PPFIBP1: variants seen among roughly 807,000 people sequenced by gnomAD.
PPFIBP1 encodes the protein liprin-beta-1.
Under a neutral mutation model 137.8 loss-of-function variants are expected in PPFIBP1, and 112 were observed. The ratio of observed to expected loss-of-function variants is 0.81; its 90% CI spans 0.70 to 0.95. The LOEUF is 0.95. PPFIBP1 is among the 40% of genes least tolerant of loss of function. The pLI is 0.00. For missense variants in PPFIBP1, 1,083 were observed against 1,196.6 expected (o/e 0.91, Z 1.40); for synonymous variants, 378 against 417.3 (o/e 0.91, Z 1.15).
intron 6 of PPFIBP1, chr12:27,648,063 G>A (rs1176489349): frequency 1.9e-6 from 1 of 521,018 alleles, no homozygotes; most frequent in African/African-American, 2.0e-5. Context: ...CAATAGGATT[G>A]TGGCTTATTT....
At chr12:27,623,349 A>G (rs1420764980) in intron 2 of PPFIBP1, among the ~76,000 whole-genome samples, 1 of 152,180 alleles carries the variant, frequency 6.6e-6, no homozygotes, top group East Asian at 1.9e-4. Context: ...TCAGTTTTTA[A>G]GATTGTGGAT....
chr12:27,670,814 A>ATAATAATAATAATAG (rs1488285441), intron 13 of PPFIBP1, among the ~76,000 whole-genome samples: 2 of 149,390 alleles, frequency 1.3e-5, no homozygotes, highest in Non-Finnish European at 3.0e-5. Flanking sequence ...AATAATAATA[A>ATAATAATAATAATAG]TAGAGTGTTG....
chr12:27,617,154 A>T (rs1201049778), intron 2 of PPFIBP1, among the ~76,000 whole-genome samples: 1 of 152,230 alleles, frequency 6.6e-6, no homozygotes, highest in Non-Finnish European at 1.5e-5. Flanking sequence ...AAGACATCCA[A>T]TAGAGGTGGC....
intron 1 of PPFIBP1, among the ~76,000 whole-genome samples, chr12:27,571,739 A>G (rs1360164754): frequency 6.6e-6 from 1 of 152,166 alleles, no homozygotes. Flanking sequence ...CAATCACTAT[A>G]CAAATTTCAC....
At position 27,538,276 on chromosome 12, in the gene PPFIBP1, G is replaced by A. The variant is rs552572776; in HGVS notation, c.-124+13911G>A. The A allele has an allele frequency of 4.6e-5, 7 of 152,294 alleles. No homozygotes were observed. In the East Asian group the frequency reaches 1.2e-3, roughly 25 times the overall value. The allele number at this position is 152,294 out of a possible 1,614,324, so 9.4% of individuals were successfully genotyped here. ...TGACAGTCTCAGTCAGAACTCACTC[G>A]TGCAGGAACTTTGCAGGAAGCAGGT... On this transcript the variant is annotated intron_variant, in intron 1 of 29. Transcript: ENST00000228425.
chr12:27,625,990 A>T (rs1410483612), intron 2 of PPFIBP1, among the ~76,000 whole-genome samples: 1 of 152,098 alleles, frequency 6.6e-6, no homozygotes, highest in Non-Finnish European at 1.5e-5. Context: ...CATTTTTTAA[A>T]AAAAGTATTG....
Position 27,671,449 on chromosome 12 carries a change from C to T in PPFIBP1, c.1165C>T (p.Gln389Ter). ...ATTACAGTTCCATACTACCATCTTG[C>T]AAGTTTCCATCCCTTCATTATTGCC... ...VPEEFHTTILQVSIPSLLPAT... is the reference protein window; with the variant it reads ...VPEEFHTTIL The change falls in exon 14 of 30, where the codon CAA (glutamine) becomes TAA (stop). Residue 389 changes from glutamine to a stop codon, truncating the protein, a stop_gained. Coordinates refer to ENST00000228425, the MANE Select transcript of PPFIBP1 (RefSeq NM_003622.4). LOFTEE classifies it high-confidence loss of function. 1 of 1,586,966 alleles carries T rather than the reference C, an allele frequency of 6.3e-7. No individual in the cohort carries two copies. Among genetic ancestry groups the T allele is most frequent in the Non-Finnish European group, 8.6e-7 (1 of 1,169,582 alleles).
chr12:27,652,004 C>G (rs1445697284), intron 7 of PPFIBP1, among the ~76,000 whole-genome samples: 1 of 152,074 alleles, frequency 6.6e-6, no homozygotes. Flanking sequence ...ATTTCTAAAA[C>G]GTATGCACAG....
intron 1 of PPFIBP1, chr12:27,548,452 T>C (rs560108248): frequency 6.6e-6 from 1 of 152,294 alleles, no homozygotes; most frequent in African/African-American, 2.4e-5. Context: ...GATAAGTCAA[T>C]ATGCTTTGGC....
chr12:27,608,749 T>C, intron 2 of PPFIBP1: 1 of 250,078 alleles, frequency 4.0e-6, no homozygotes, highest in Non-Finnish European at 7.7e-6. Context: ...AGACTTAGTG[T>C]CTTTCTCTGT....
At chr12:27,573,961 GA>G (rs1479879404) in intron 1 of PPFIBP1, among the ~76,000 whole-genome samples, 4 of 145,384 alleles carry the variant, frequency 2.8e-5, no homozygotes, top group African/African-American at 7.7e-5. Flanking sequence ...CAGCTTGGAT[GA>G]CAAAGTGAGA....
intron 17 of PPFIBP1, 47 bp from the exon 18 acceptor site, chr12:27,676,381 G>C (rs1243030919): frequency 7.2e-7 from 1 of 1,388,240 alleles, no homozygotes; most frequent in Admixed American, 2.7e-5. Context: ...CATGTGCTGA[G>C]GATGCTGCAC....
chr12:27,650,793 G>T (rs1278693434), intron 7 of PPFIBP1, among the ~76,000 whole-genome samples: 1 of 152,166 alleles, frequency 6.6e-6, no homozygotes, highest in Non-Finnish European at 1.5e-5. Flanking sequence ...TGTTTGCTTT[G>T]TGACATTTGG....
intron 20 of PPFIBP1, 144 bp downstream of exon 20, chr12:27,679,783 T>C (rs2060772394): frequency 1.5e-6 from 2 of 1,356,850 alleles, no homozygotes; most frequent in Non-Finnish European, 2.0e-6. Context: ...TATTAACTCA[T>C]TGGGTCTTAG....
intron 1 of PPFIBP1, among the ~76,000 whole-genome samples, chr12:27,575,780 A>C (rs1386000432): frequency 1.3e-5 from 2 of 152,128 alleles, no homozygotes; most frequent in African/African-American, 4.8e-5. Context: ...CAGTTCGATA[A>C]TGTGTTCTTG....
At chr12:27,639,940 T>G (rs1414664044) in intron 4 of PPFIBP1, among the ~76,000 whole-genome samples, 1 of 152,212 alleles carries the variant, frequency 6.6e-6, no homozygotes, top group Non-Finnish European at 1.5e-5. Context: ...TGCTGCTTTC[T>G]GACCAGCTTT....
intron 2 of PPFIBP1, 135 bp downstream of exon 2, chr12:27,578,374 GT>G (rs1373625693): frequency 2.6e-5 from 4 of 152,140 alleles, no homozygotes; most frequent in Non-Finnish European, 5.9e-5. Flanking sequence ...GTCTAGGAGT[GT>G]TTGTATCTGC....
rs2049201803 is a variant in PPFIBP1, at chr12:27,561,942, T to C, written c.-123-16210T>C. Among the ~76,000 whole-genome samples, 8 of 152,030 alleles carry C rather than the reference T, an allele frequency of 5.3e-5. No individual in the cohort carries two copies. In the South Asian group the frequency reaches 1.7e-3, roughly 32 times the overall value. On this transcript the variant is annotated intron_variant, in intron 1 of 29. Transcript: ENST00000228425. ...GTGTGTGCCTGTAGTCTCAGCTACTTGGGAGATTGAAGTGGGAGGTTCACT... is the reference window on the plus strand; with the variant it reads ...GTGTGTGCCTGTAGTCTCAGCTACTCGGGAGATTGAAGTGGGAGGTTCACT...
chr12:27,607,822 C>CT (rs1453334417), intron 2 of PPFIBP1, among the ~76,000 whole-genome samples: 1 of 152,034 alleles, frequency 6.6e-6, no homozygotes, highest in Non-Finnish European at 1.5e-5. Context: ...CCTTCTATGA[C>CT]TTTTTTACTC....
Sources: gnomAD v4.1 joint callset for allele counts (sites outside exome capture counted in the v4.1 genomes callset) on GRCh38, gnomAD v4.1.1 for gene constraint, MANE v1.5 for transcripts, NCBI Gene and HGNC (gene_info 2026-07-23, HGNC 2026-07-21) for gene names.